The following PRELID2 variants were observed in gnomAD, a reference collection of about 807,000 sequenced individuals.
PRELID2 encodes the protein PRELI domain containing 2, also known as PRELI domain-containing protein 2.
A neutral mutation model predicts 28.4 loss-of-function variants in PRELID2; 25 were observed. The ratio of observed to expected loss-of-function variants is 0.88; its 90% CI spans 0.64 to 1.23. PRELID2 has a LOEUF of 1.23. Ranked by LOEUF, PRELID2 falls within the 50% of genes most tolerant of loss-of-function variation. PRELID2 has a pLI of 0.00. For synonymous variants in PRELID2, 76 were observed against 71.6 expected, an observed-to-expected ratio of 1.06 and a Z score of -0.31; for missense variants, 201 against 214.4, an observed-to-expected ratio of 0.94 and a Z score of 0.39.
intron 1 of PRELID2, among the ~76,000 whole-genome samples, chr5:145,626,356 A>T (rs1297476373): frequency 6.6e-6 from 1 of 152,210 alleles, no homozygotes; most frequent in Non-Finnish European, 1.5e-5. Context: ...AATCCTATTT[A>T]AAAGTGGGCA....
chr5:145,465,807 A>G, the PRELID2 span, among the ~76,000 whole-genome samples: 1 of 152,144 alleles, frequency 6.6e-6, no homozygotes, highest in Non-Finnish European at 1.5e-5. Flanking sequence ...CAAAAGCTCC[A>G]CAGGTGATTC....
intron 1 of PRELID2, among the ~76,000 whole-genome samples, chr5:145,651,845 G>T (rs1754303213): frequency 6.6e-6 from 1 of 152,244 alleles, no homozygotes; most frequent in Non-Finnish European, 1.5e-5. Flanking sequence ...AAATCAGACT[G>T]CCTCTCCCCA....
rs538148278 is a variant in PRELID2 at position 145,775,099 on chromosome 5, GC to G, written c.475-10100del. On this transcript the variant is annotated intron_variant, in intron 5 of 6. Coordinates refer to ENST00000683046, the MANE Select transcript of PRELID2 (RefSeq NM_205846.3). ...CACAAAAAATACAAAACGTAGCCAG[GC>G]ATGGTGATGTACGCCTGTGGCCCCA... Among the ~76,000 whole-genome samples, 488 of 152,188 alleles carry G rather than the reference GC, an allele frequency of 3.2e-3. 1 individual carries two copies. Among genetic ancestry groups the G allele is most frequent in the Non-Finnish European group, 5.4e-3 (364 of 68,014 alleles).
chr5:145,607,593 T>G (rs541655719), intron 1 of PRELID2, among the ~76,000 whole-genome samples: 9 of 152,218 alleles, frequency 5.9e-5, no homozygotes, highest in Non-Finnish European at 1.3e-4. Context: ...TTTATTGCAC[T>G]GTTGTCCAAG....
the PRELID2 span, among the ~76,000 whole-genome samples, chr5:145,313,663 T>G: frequency 6.6e-6 from 1 of 152,162 alleles, no homozygotes; most frequent in South Asian, 2.1e-4. Flanking sequence ...ATCACATTCG[T>G]AGGAGGCGGC....
Position 145,488,585 on chromosome 5 carries a change from C to T in PRELID2, n.71-15270G>A, listed in dbSNP as rs377367706. Among the ~76,000 whole-genome samples the T allele has an allele frequency of 2.3e-3, 350 of 152,224 alleles. 1 individual carries two copies. Among genetic ancestry groups the T allele is most frequent in the African/African-American group, 7.7e-3 (321 of 41,558 alleles). On this transcript the variant is annotated intron_variant and non_coding_transcript_variant, in intron 1 of 2. Transcript: ENST00000510259. ...AGAAGCCACAATTATTCATAAAAAT[C>T]AAATAAAAACAAGACCCTAATTCAA...
At chr5:145,336,301 G>T in the PRELID2 span, among the ~76,000 whole-genome samples, 8 of 148,644 alleles carry the variant, frequency 5.4e-5, no homozygotes, top group South Asian at 2.2e-4. Context: ...GTCAATTTTG[G>T]CTTTTGTTGC....
At chr5:145,812,629 GA>G (rs1754028009) in intron 4 of PRELID2, among the ~76,000 whole-genome samples, 1 of 120,798 alleles carries the variant, frequency 8.3e-6, no homozygotes, top group African/African-American at 3.3e-5. Context: ...ACATGTAAGG[GA>G]TGGCTGGTAT....
chr5:145,235,495 C>T, the PRELID2 span, among the ~76,000 whole-genome samples: 1 of 152,160 alleles, frequency 6.6e-6, no homozygotes, highest in Non-Finnish European at 1.5e-5. Flanking sequence ...GAATTGGGTG[C>T]TTTCCTTGCA....
intron 1 of PRELID2, among the ~76,000 whole-genome samples, chr5:145,612,156 C>A (rs1753626333): frequency 6.6e-6 from 1 of 151,838 alleles, no homozygotes; most frequent in East Asian, 1.9e-4. Context: ...GAATTATAAA[C>A]CTAAATATAA....
At chr5:145,232,280 T>G in the PRELID2 span, among the ~76,000 whole-genome samples, 1 of 152,180 alleles carries the variant, frequency 6.6e-6, no homozygotes, top group African/African-American at 2.4e-5. Context: ...CTTATTCATT[T>G]CTCACAACAC....
At chr5:145,623,325 G>C (rs1402338294) in intron 1 of PRELID2, among the ~76,000 whole-genome samples, 1 of 151,890 alleles carries the variant, frequency 6.6e-6, no homozygotes, top group South Asian at 2.1e-4. Context: ...GCGCGCACCT[G>C]TAATCCCAGC....
At chr5:145,350,037 T>C in the PRELID2 span, among the ~76,000 whole-genome samples, 3 of 152,078 alleles carry the variant, frequency 2.0e-5, no homozygotes, top group African/African-American at 7.2e-5. Context: ...CCCTGGTAGG[T>C]AAGAGCACAA....
downstream of PRELID2, among the ~76,000 whole-genome samples, chr5:145,470,094 T>A (rs1366055511): frequency 1.3e-5 from 2 of 152,152 alleles, no homozygotes; most frequent in Non-Finnish European, 2.9e-5. Context: ...TAAACGTAAA[T>A]CACACGAAGG....
At chr5:145,750,854 A>G (rs2149751069) in intron 1 of PRELID2, among the ~76,000 whole-genome samples, 1 of 152,322 alleles carries the variant, frequency 6.6e-6, no homozygotes, top group South Asian at 2.1e-4. Context: ...GAATCACAAC[A>G]CAGCTTCATT....
At chr5:145,740,857 C>CTATAAATATATATGT (rs1756679962) in intron 1 of PRELID2, among the ~76,000 whole-genome samples, 1 of 32,540 alleles carries the variant, frequency 3.1e-5, no homozygotes, top group Non-Finnish European at 5.1e-5. Flanking sequence ...TATATATGTA[C>CTATAAATATATATGT]ATATATTTAT....
At chr5:145,285,990 A>G in the PRELID2 span, among the ~76,000 whole-genome samples, 33 of 152,294 alleles carry the variant, frequency 2.2e-4, no homozygotes, top group African/African-American at 7.2e-4. Flanking sequence ...TTCAAAATAA[A>G]TTTGATTTGA....
At chr5:145,726,296 A>G (rs1048491978) in intron 1 of PRELID2, among the ~76,000 whole-genome samples, 3 of 146,688 alleles carry the variant, frequency 2.0e-5, no homozygotes, top group Admixed American at 2.0e-4. Context: ...AAAGAAAGAA[A>G]GAAAAAGAAA....
At position 145,513,007 on chromosome 5, in the gene PRELID2, A is replaced by T. The variant is rs138412104; in HGVS notation, n.71-39692T>A. 2.7e-3 allele frequency among the ~76,000 whole-genome samples: 415 copies of T among 152,322 alleles called. 1 individual carries two copies. Among genetic ancestry groups the T allele is most frequent in the East Asian group, 9.7e-3 (50 of 5,164 alleles). On this transcript the variant is annotated intron_variant and non_coding_transcript_variant, in intron 1 of 2. Coordinates refer to the PRELID2 transcript ENST00000510259. ...GTCACCAGCATCAAAGACCAAAGAT[A>T]GATAAATCCACAAAAATGAGGAAAA...
Sources: allele counts gnomAD v4.1 joint callset (sites outside exome capture counted in the v4.1 genomes callset), GRCh38; gene constraint gnomAD v4.1.1; transcripts MANE v1.5; gene names NCBI Gene and HGNC (gene_info 2026-07-23, HGNC 2026-07-21).